Variants in SRSF3 observed in about 807,000 individuals in gnomAD.
SRSF3 encodes serine/arginine-rich splicing factor 3.
For synonymous variants in SRSF3, 87 were observed against 73.6 expected (o/e 1.18, Z -0.93); for missense variants, 58 against 217.1 (o/e 0.27, Z 4.61).
rs184313785 is a variant in SRSF3, at chr6:36,604,081, G to C, written c.*2092G>C. On this transcript the variant is annotated 3_prime_UTR_variant, in exon 6 of 6. Coordinates refer to ENST00000373715, the MANE Select transcript of SRSF3 (RefSeq NM_003017.5). ...GAACATGGAAATTGTTAAAAGCTTT[G>C]AATTGCACATTTAGATTGTGGCTAT... The C allele has an allele frequency of 2.2e-5, 5 of 227,170 alleles. No homozygotes were observed. In the East Asian group the frequency reaches 3.2e-4, roughly 15 times the overall value. The allele number at this position is 227,170 out of a possible 1,614,324, so 14.1% of individuals were successfully genotyped here.
intron 1 of SRSF3, among the ~76,000 whole-genome samples, chr6:36,595,925 A>T (rs1005489049): frequency 1.1e-4 from 16 of 145,208 alleles, no homozygotes; most frequent in South Asian, 2.2e-4. Flanking sequence ...TTATTTATTT[A>T]TTTGTGGTTT....
chr6:36,596,574 C>CGGG (rs34650091), intron 1 of SRSF3, among the ~76,000 whole-genome samples, 187 bp from the exon 2 acceptor site: 55 of 91,950 alleles, frequency 6.0e-4, no homozygotes, highest in African/African-American at 1.9e-3. Flanking sequence ...GGCGGGGTGG[C>CGGG]GGGGGGGGGG....
chr6:36,599,571 TCCA>T, intron 3 of SRSF3: 1 of 304,216 alleles, frequency 3.3e-6, no homozygotes, highest in Non-Finnish European at 6.6e-6. Context: ...GGGTGCTAAC[TCCA>T]CATCTCCTCA....
intron 2 of SRSF3, among the ~76,000 whole-genome samples, chr6:36,598,229 C>A (rs1350473387): frequency 6.6e-6 from 1 of 152,172 alleles, no homozygotes; most frequent in African/African-American, 2.4e-5. Context: ...ACTTAAATTG[C>A]AACTGTTAAC....
rs770979452 is a variant in SRSF3 at position 36,602,015 on chromosome 6, T to G, written c.*26T>G. On this transcript the variant is annotated 3_prime_UTR_variant, in exon 6 of 6. Coordinates refer to ENST00000373715, the MANE Select transcript of SRSF3 (RefSeq NM_003017.5). The stretch of plus-strand genomic sequence containing the variant: ...AAGACAGTTTGCAAGAGAAGTGGTG[T>G]ACAGGAAATTACTTCATTTGACAGG... 2.5e-6 allele frequency: 4 copies of G among 1,584,652 alleles called. No homozygotes were observed. The South Asian group carries it at 4.7e-5, about 19-fold the overall frequency.
At position 36,599,687 on chromosome 6, in the gene SRSF3, A is replaced by G. The variant is rs1642522619; in HGVS notation, c.341+704A>G. On this transcript the variant is annotated intron_variant, in intron 3 of 5. Transcript: ENST00000373715. ...AAATCTTGCCCCTTTTGCTATTTTG[A>G]AAAACAACAGCACACTGTTGCCCAT... is the stretch of plus-strand genomic sequence containing the variant. 7 of 709,002 alleles carry G rather than the reference A, an allele frequency of 9.9e-6. No homozygotes were observed. In the Admixed American group the frequency reaches 1.2e-4, roughly 13 times the overall value. The allele number at this position is 709,002 out of a possible 1,614,324, so 43.9% of individuals were successfully genotyped here.
At chr6:36,601,824 C>T (rs759996326) in intron 5 of SRSF3, 30 bp downstream of exon 5, 12 of 1,604,000 alleles carry the variant, frequency 7.5e-6, no homozygotes, top group Admixed American at 3.3e-5. Flanking sequence ...GTATTTAAGA[C>T]TTTGCATACA....
chr6:36,601,234 G>A, intron 4 of SRSF3, 44 bp downstream of exon 4: 1 of 1,605,534 alleles, frequency 6.2e-7, no homozygotes, highest in Non-Finnish European at 8.5e-7. Context: ...AAATGGCAGT[G>A]TTTCTGCTAT....
intron 2 of SRSF3, among the ~76,000 whole-genome samples, chr6:36,598,224 A>C (rs1230314899): frequency 6.6e-6 from 1 of 152,194 alleles, no homozygotes; most frequent in Non-Finnish European, 1.5e-5. Context: ...TTCACACTTA[A>C]ATTGCAACTG....
At chr6:36,596,574 C>CGGGGG (rs34650091) in intron 1 of SRSF3, among the ~76,000 whole-genome samples, 187 bp from the exon 2 acceptor site, 27 of 91,936 alleles carry the variant, frequency 2.9e-4, no homozygotes, top group African/African-American at 4.4e-4. Flanking sequence ...GGCGGGGTGG[C>CGGGGG]GGGGGGGGGG....
In SRSF3 at chr6:36,596,566, CGGGGTGGCGG is replaced by C. The variant is rs999573204; in HGVS notation, c.-2-190_-2-181del. Among the ~76,000 whole-genome samples the C allele has an allele frequency of 9.6e-3, 57 of 5,962 alleles. 5 individuals are homozygous for C. Among genetic ancestry groups the C allele is most frequent in the Middle Eastern group, 0.083 (2 of 24 alleles). The allele number at this position is 5,962 out of a possible 152,430, so 3.9% of individuals were successfully genotyped here. A position where few individuals can be genotyped will look rare whatever the true frequency, so the allele number is the denominator to read the frequency against. ...AGGGTTAGGAGTAAAGATAATGGGG[CGGGGTGGCGG>C]GGGGGGGGAAATGGGTGCTTAGCAG... On this transcript the variant is annotated intron_variant, in intron 1 of 5. Transcript: ENST00000373715.
intron 3 of SRSF3, 60 bp downstream of exon 3, chr6:36,599,043 G>A: frequency 6.4e-7 from 1 of 1,572,358 alleles, no homozygotes; most frequent in Non-Finnish European, 8.6e-7. Context: ...GTAGGAGCAG[G>A]TATTTCTCTT....
intron 3 of SRSF3, chr6:36,600,029 G>T: frequency 8.0e-7 from 1 of 1,242,302 alleles, no homozygotes; most frequent in Non-Finnish European, 1.0e-6. Context: ...AACCAAATCG[G>T]CAGCAGCCAC....
intron 2 of SRSF3, chr6:36,598,582 C>T: frequency 3.0e-6 from 1 of 328,472 alleles, no homozygotes; most frequent in Non-Finnish European, 5.7e-6. Context: ...GAGGGTTTCA[C>T]CACGTTGGCC....
Position 36,602,268 on chromosome 6 carries a change from T to A in SRSF3, c.*279T>A. 2.2e-6 allele frequency: 1 copy of A among 459,992 alleles called. No homozygotes were observed. Among genetic ancestry groups the A allele is most frequent in the Non-Finnish European group, 3.6e-6 (1 of 276,854 alleles). 28.5% of individuals were successfully genotyped at this position (459,992 alleles called of 1,614,324 possible). On this transcript the variant is annotated 3_prime_UTR_variant, in exon 6 of 6. Coordinates refer to ENST00000373715, the MANE Select transcript of SRSF3 (RefSeq NM_003017.5). ...TTTGAACTTTTAGTTATGCACAGACTGATAATAAACCTCTAAACCTGCCCA... is the reference window on the plus strand; with the variant it reads ...TTTGAACTTTTAGTTATGCACAGACAGATAATAAACCTCTAAACCTGCCCA...
chr6:36,596,571 TGGCG>T lies in SRSF3; in HGVS notation c.-2-187_-2-184del, dbSNP rs1466783490. ...TAGGAGTAAAGATAATGGGGCGGGG[TGGCG>T]GGGGGGGGGAAATGGGTGCTTAGCA... is the stretch of plus-strand genomic sequence containing the variant. On this transcript the variant is annotated intron_variant, in intron 1 of 5. Transcript: ENST00000373715. 2.7e-3 allele frequency among the ~76,000 whole-genome samples: 37 copies of T among 13,776 alleles called. 1 individual carries two copies. Among genetic ancestry groups the T allele is most frequent in the African/African-American group, 7.9e-3 (35 of 4,414 alleles). The allele number at this position is 13,776 out of a possible 152,430, so 9.0% of individuals were successfully genotyped here.
At chr6:36,601,029 A>G (rs1778707114) in intron 3 of SRSF3, 123 bp from the exon 4 acceptor site, 4 of 92,258 alleles carry the variant, frequency 4.3e-5, no homozygotes, top group Middle Eastern at 3.2e-3. Context: ...TTTTTTTTGG[A>G]CGATGGGTGC....
rs1778732192 is a variant in SRSF3, at chr6:36,602,377, G to A, written c.*388G>A. 2 of 245,826 alleles carry A rather than the reference G, an allele frequency of 8.1e-6. No homozygotes were observed. The highest frequency in any genetic ancestry group is 1.6e-5 in the Non-Finnish European group (2 of 127,516). 15.2% of individuals were successfully genotyped at this position (245,826 alleles called of 1,614,324 possible). A position where few individuals can be genotyped will look rare whatever the true frequency, so the allele number is the denominator to read the frequency against. ...AGATTTACTTTTTTTTCCATAGCTG[G>A]GATATAGGCTGCAGCTATAGTTGAA... is the stretch of plus-strand genomic sequence containing the variant. On this transcript the variant is annotated 3_prime_UTR_variant, in exon 6 of 6. Transcript: ENST00000373715.
Position 36,602,212 on chromosome 6 carries a change from A to G in SRSF3, c.*223A>G, listed in dbSNP as rs1200086681. 4.4e-6 allele frequency: 4 copies of G among 899,254 alleles called. No individual in the cohort carries two copies. Among genetic ancestry groups the G allele is most frequent in the Non-Finnish European group, 6.2e-6 (4 of 645,158 alleles). The allele number at this position is 899,254 out of a possible 1,614,324, so 55.7% of individuals were successfully genotyped here. On this transcript the variant is annotated 3_prime_UTR_variant, in exon 6 of 6. Coordinates refer to ENST00000373715, the MANE Select transcript of SRSF3 (RefSeq NM_003017.5). ...ATGTAATACCAAGAATTGTTACTTT[A>G]CAATGTTCCCTTAAGCAAAATTGAA...
Sources: gnomAD v4.1 joint callset for allele counts (sites outside exome capture counted in the v4.1 genomes callset) on GRCh38, gnomAD v4.1.1 for gene constraint, MANE v1.5 for transcripts, NCBI Gene and HGNC (gene_info 2026-07-23, HGNC 2026-07-21) for gene names.